YIPF1: variants seen among roughly 807,000 people sequenced by gnomAD.
YIPF1 encodes protein YIPF1.
Under a neutral mutation model 37.0 loss-of-function variants are expected in YIPF1, and 22 were observed. The ratio of observed to expected loss-of-function variants is 0.59; its 90% CI spans 0.42 to 0.85. YIPF1 has a LOEUF of 0.85. YIPF1 is among the 40% of genes least tolerant of loss of function. The pLI, the probability that YIPF1 is intolerant of heterozygous loss-of-function variation, is 0.00. For missense variants in YIPF1, 355 were observed against 373.1 expected (o/e 0.95, Z 0.40); for synonymous variants, 128 against 131.9 (o/e 0.97, Z 0.21).
intron 9 of YIPF1, among the ~76,000 whole-genome samples, chr1:53,861,689 AGAGGGAGGGAGGGAGG>A (rs142417977): frequency 1.0e-5 from 1 of 99,802 alleles, no homozygotes; most frequent in Non-Finnish European, 1.9e-5. Flanking sequence ...AGGGAGAGAG[AGAGGGAGGGAGGGAGG>A]GAGGGAAGAA....
rs377452587 is a variant in YIPF1, at chr1:53,878,373, C to A, written c.306G>T (p.Leu102Phe). Reference sequence around the variant, plus strand: ...TCACAAAGTTTTTCCCGGGTATTGGCAAAAGAGATCCTTTAATTCTGTCAA... The same window carrying A: ...TCACAAAGTTTTTCCCGGGTATTGGAAAAAGAGATCCTTTAATTCTGTCAA... ...QVFDRIKGSL[L>F]PIPGKNFVRL... Residue 102 changes from leucine to phenylalanine, a missense_variant, in exon 6 of 11, where the codon TTG (leucine) becomes TTT (phenylalanine). Leu to Phe is a conservative substitution (Grantham distance 22). Coordinates refer to ENST00000072644, the MANE Select transcript of YIPF1 (RefSeq NM_018982.5). 2.5e-5 allele frequency: 40 copies of A among 1,614,116 alleles called. No homozygotes were observed. The highest frequency in any genetic ancestry group is 3.1e-5 in the Non-Finnish European group (37 of 1,179,994).
intron 9 of YIPF1, among the ~76,000 whole-genome samples, chr1:53,861,705 G>C (rs1649886632): frequency 7.1e-6 from 1 of 141,260 alleles, no homozygotes; most frequent in African/African-American, 2.6e-5. Flanking sequence ...AGGGAGGGAG[G>C]GAGGGAAGAA....
chr1:53,876,610 G>A (rs1411194640), intron 6 of YIPF1, among the ~76,000 whole-genome samples: 2 of 152,222 alleles, frequency 1.3e-5, no homozygotes, highest in African/African-American at 4.8e-5. Context: ...GCATAGTGAT[G>A]AAGAAATGGA....
chr1:53,885,434 G>T (rs947062211), intron 3 of YIPF1, among the ~76,000 whole-genome samples: 3 of 152,170 alleles, frequency 2.0e-5, no homozygotes, highest in African/African-American at 2.4e-5. Flanking sequence ...CTTGAACCCA[G>T]GAGGCAGAGG....
chr1:53,884,053 AG>A (rs1029100156), intron 3 of YIPF1, among the ~76,000 whole-genome samples: 4 of 151,918 alleles, frequency 2.6e-5, no homozygotes, highest in Non-Finnish European at 1.5e-5. Context: ...AAAGGAAAAA[AG>A]AAAGTAGAAA....
intron 3 of YIPF1, among the ~76,000 whole-genome samples, chr1:53,886,996 C>T (rs377177767): frequency 2.0e-5 from 3 of 151,962 alleles, no homozygotes; most frequent in Non-Finnish European, 2.9e-5. Flanking sequence ...ACAGAAAGGA[C>T]GAGAGCAGCA....
chr1:53,870,326 A>AT (rs1015539956), intron 7 of YIPF1, among the ~76,000 whole-genome samples: 11 of 151,078 alleles, frequency 7.3e-5, no homozygotes, highest in African/African-American at 2.7e-4. Flanking sequence ...ATGCACCACC[A>AT]TACCCGGTAA....
At chr1:53,870,186 T>A (rs1255275627) in intron 7 of YIPF1, among the ~76,000 whole-genome samples, 1 of 94,306 alleles carries the variant, frequency 1.1e-5, no homozygotes, top group South Asian at 3.7e-4. Context: ...TTTTTTTTTT[T>A]TTTGAGACAG....
chr1:53,857,629 A>G (rs1649753482), intron 10 of YIPF1, among the ~76,000 whole-genome samples: 1 of 152,194 alleles, frequency 6.6e-6, no homozygotes, highest in Admixed American at 6.5e-5. Context: ...CTTCTCATCT[A>G]TACATACAAT....
chr1:53,880,233 G>A (rs1229904521), intron 4 of YIPF1, among the ~76,000 whole-genome samples: 3 of 151,988 alleles, frequency 2.0e-5, no homozygotes, highest in African/African-American at 7.3e-5. Context: ...AAATCAATGT[G>A]CAAAAATTGT....
At chr1:53,883,026 C>T in intron 4 of YIPF1, 87 bp downstream of exon 4, 1 of 1,432,068 alleles carries the variant, frequency 7.0e-7, no homozygotes, top group Non-Finnish European at 9.2e-7. Context: ...TTGCCTGACA[C>T]TGTACCTGGC....
intron 9 of YIPF1, among the ~76,000 whole-genome samples, chr1:53,860,985 C>G (rs926425135): frequency 2.0e-5 from 3 of 152,192 alleles, no homozygotes; most frequent in East Asian, 1.9e-4. Flanking sequence ...CATGATACCC[C>G]CTTGGGGTCA....
chr1:53,865,065 A>C (rs921774635), intron 9 of YIPF1, among the ~76,000 whole-genome samples: 12 of 152,186 alleles, frequency 7.9e-5, no homozygotes, highest in African/African-American at 2.9e-4. Flanking sequence ...ACACCTACAT[A>C]TGAACTCAAA....
intron 7 of YIPF1, among the ~76,000 whole-genome samples, chr1:53,871,116 C>G: frequency 6.7e-6 from 1 of 149,966 alleles, no homozygotes; most frequent in East Asian, 2.0e-4. Context: ...TGTGAATGTA[C>G]TTAATGCCAT....
chr1:53,866,635 A>C, intron 8 of YIPF1, 123 bp downstream of exon 8: 3 of 1,286,514 alleles, frequency 2.3e-6, no homozygotes, highest in Non-Finnish European at 3.2e-6. Context: ...ACTTCAAAGG[A>C]GATTTTTTCA....
At chr1:53,878,480 G>A (rs1650394260) in intron 5 of YIPF1, 78 bp from the exon 6 acceptor site, 4 of 1,523,764 alleles carry the variant, frequency 2.6e-6, no homozygotes, top group Non-Finnish European at 3.6e-6. Flanking sequence ...TTGAAACTCA[G>A]TCATTAGAGC....
At chr1:53,886,872 TAAGGCTATCTGAAGGGAG>T (rs1187481551) in intron 3 of YIPF1, among the ~76,000 whole-genome samples, 1 of 151,798 alleles carries the variant, frequency 6.6e-6, no homozygotes, top group Non-Finnish European at 1.5e-5. Flanking sequence ...AAGCAAGCCA[TAAGGCTATCTGAAGGGAG>T]AATGTCCCAC....
At chr1:53,877,641 C>T (rs989891995) in intron 6 of YIPF1, among the ~76,000 whole-genome samples, 4 of 152,040 alleles carry the variant, frequency 2.6e-5, no homozygotes, top group African/African-American at 9.7e-5. Flanking sequence ...CTGCTGGTGA[C>T]CAAATCCTAA....
chr1:53,862,302 C>A (rs781416215), intron 9 of YIPF1, among the ~76,000 whole-genome samples: 2 of 152,178 alleles, frequency 1.3e-5, no homozygotes, highest in Non-Finnish European at 2.9e-5. Flanking sequence ...ATAGTCTGTG[C>A]TCTTCTAATT....
Sources: gnomAD v4.1 joint callset for allele counts (sites outside exome capture counted in the v4.1 genomes callset) on GRCh38, gnomAD v4.1.1 for gene constraint, MANE v1.5 for transcripts, NCBI Gene and HGNC (gene_info 2026-07-23, HGNC 2026-07-21) for gene names.